Variants in EFNA5 observed in about 807,000 individuals in gnomAD.
EFNA5 encodes ephrin-A5.
EFNA5 carries 5 observed loss-of-function variants against 22.9 expected under a neutral mutation model. The ratio of observed to expected loss-of-function variants is 0.22; its 90% CI spans 0.11 to 0.46. The LOEUF (loss-of-function observed/expected upper bound fraction) is 0.46. EFNA5 is among the 20% of genes least tolerant of loss of function. The pLI is 0.99. For synonymous variants in EFNA5, 113 were observed against 112.2 expected, an observed-to-expected ratio of 1.01 and a Z score of -0.04; for missense variants, 237 against 293.3, an observed-to-expected ratio of 0.81 and a Z score of 1.40.
At chr5:107,448,210 G>C (rs922922304) in intron 1 of EFNA5, among the ~76,000 whole-genome samples, 1 of 152,232 alleles carries the variant, frequency 6.6e-6, no homozygotes, top group Non-Finnish European at 1.5e-5. Flanking sequence ...GCTCGAAGTA[G>C]TAAGATCATT....
At chr5:107,484,127 T>A (rs1750554477) in intron 1 of EFNA5, among the ~76,000 whole-genome samples, 1 of 152,194 alleles carries the variant, frequency 6.6e-6, no homozygotes, top group Non-Finnish European at 1.5e-5. Context: ...AGATTCATGG[T>A]AACTCCTAAT....
chr5:107,464,169 G>C (rs186826231), intron 1 of EFNA5, among the ~76,000 whole-genome samples: 1 of 152,176 alleles, frequency 6.6e-6, no homozygotes, highest in Admixed American at 6.5e-5. Context: ...CTAACCTCTG[G>C]AGTCTGGGCT....
At chr5:107,448,133 G>A (rs76076024) in intron 1 of EFNA5, among the ~76,000 whole-genome samples, 5,303 of 152,282 alleles carry the variant, frequency 0.035, 109 homozygotes, top group Middle Eastern at 0.071. Context: ...TGCAGAACAT[G>A]ATTGGATTTG....
chr5:107,521,476 A>ATATATAT (rs1491248327), intron 1 of EFNA5, among the ~76,000 whole-genome samples: 1 of 58,346 alleles, frequency 1.7e-5, no homozygotes, highest in African/African-American at 6.9e-5. Flanking sequence ...ATATATATAT[A>ATATATAT]TTTTTTTTTT....
At chr5:107,513,208 C>A (rs1297055385) in intron 1 of EFNA5, among the ~76,000 whole-genome samples, 2 of 151,920 alleles carry the variant, frequency 1.3e-5, no homozygotes, top group Non-Finnish European at 2.9e-5. Context: ...AGATTTGGGG[C>A]TGGGAAAAGA....
At chr5:107,538,830 G>T (rs191200086) in intron 1 of EFNA5, among the ~76,000 whole-genome samples, 13 of 152,226 alleles carry the variant, frequency 8.5e-5, no homozygotes, top group African/African-American at 3.1e-4. Context: ...TGGGTCCTGG[G>T]TGTAGGGGTT....
intron 1 of EFNA5, among the ~76,000 whole-genome samples, chr5:107,460,216 T>C (rs371820813): frequency 7.2e-4 from 110 of 152,276 alleles, no homozygotes; most frequent in African/African-American, 2.4e-3. Flanking sequence ...AGTATCTCCT[T>C]TTTGATTTTG....
At chr5:107,535,869 G>A (rs907763725) in intron 1 of EFNA5, among the ~76,000 whole-genome samples, 3 of 152,094 alleles carry the variant, frequency 2.0e-5, no homozygotes, top group Non-Finnish European at 4.4e-5. Context: ...ATACTAACAT[G>A]GTTTGTTTTA....
At chr5:107,437,378 C>T (rs1308250426) in intron 1 of EFNA5, among the ~76,000 whole-genome samples, 1 of 152,072 alleles carries the variant, frequency 6.6e-6, no homozygotes. Context: ...CCAGTTAGGA[C>T]CTTGTGAGCA....
chr5:107,407,603 C>T (rs565006499), intron 2 of EFNA5, among the ~76,000 whole-genome samples: 2 of 152,100 alleles, frequency 1.3e-5, no homozygotes, highest in African/African-American at 4.8e-5. Flanking sequence ...AGAAATTGTC[C>T]CCAAAGCTCC....
chr5:107,383,999 C>T (rs1263340986), intron 4 of EFNA5, among the ~76,000 whole-genome samples: 1 of 152,204 alleles, frequency 6.6e-6, no homozygotes, highest in Non-Finnish European at 1.5e-5. Context: ...TCTCTTCTTC[C>T]TGCAACATGC....
chr5:107,494,974 T>C (rs1436620434), intron 1 of EFNA5, among the ~76,000 whole-genome samples: 11 of 152,098 alleles, frequency 7.2e-5, no homozygotes, highest in Admixed American at 7.2e-4. Context: ...AAAACCTTTG[T>C]GTCTAGCTCA....
intron 1 of EFNA5, among the ~76,000 whole-genome samples, chr5:107,643,216 C>T (rs141579863): frequency 1.3e-5 from 2 of 152,220 alleles, no homozygotes; most frequent in South Asian, 4.1e-4. Flanking sequence ...CATGCTAGTG[C>T]CCCCATTGTG....
intron 1 of EFNA5, among the ~76,000 whole-genome samples, chr5:107,479,507 A>T (rs923611869): frequency 5.9e-5 from 9 of 151,964 alleles, no homozygotes; most frequent in African/African-American, 2.2e-4. Context: ...TCAGGCCAAC[A>T]AGTGATTTAC....
intron 1 of EFNA5, among the ~76,000 whole-genome samples, chr5:107,631,184 A>C (rs1030685951): frequency 6.6e-5 from 10 of 151,662 alleles, no homozygotes; most frequent in Non-Finnish European, 1.5e-4. Flanking sequence ...CTCCATTATA[A>C]TCTTATGGGG....
At chr5:107,480,390 C>T (rs946086642) in intron 1 of EFNA5, among the ~76,000 whole-genome samples, 28 of 152,194 alleles carry the variant, frequency 1.8e-4, no homozygotes, top group Non-Finnish European at 3.5e-4. Context: ...ATCAAAGATG[C>T]TCTCTGCTTC....
rs186908085 is a variant in EFNA5 at position 107,494,690 on chromosome 5, T to G, written c.126-67181A>C. 4.6e-5 allele frequency among the ~76,000 whole-genome samples: 7 copies of G among 152,336 alleles called. No individual in the cohort carries two copies. The South Asian group carries it at 1.4e-3, about 32-fold the overall frequency. On this transcript the variant is annotated intron_variant, in intron 1 of 4. Coordinates refer to ENST00000333274, the MANE Select transcript of EFNA5 (RefSeq NM_001962.3). ...CTGGTGGGGACGTGGAGAACCTTTA[T>G]GTCTCTAGCTCAGGGACTGTAAATA... is the stretch of plus-strand genomic sequence containing the variant.
chr5:107,399,310 G>GAAACGGA (rs368515815), intron 2 of EFNA5, among the ~76,000 whole-genome samples: 1 of 131,492 alleles, frequency 7.6e-6, no homozygotes, highest in East Asian at 2.1e-4. Flanking sequence ...AGGAAGGAAG[G>GAAACGGA]AAGGAAACGG....
intron 1 of EFNA5, among the ~76,000 whole-genome samples, chr5:107,453,049 T>TTTGA (rs1749601668): frequency 6.6e-6 from 1 of 152,198 alleles, no homozygotes; most frequent in South Asian, 2.1e-4. Flanking sequence ...TAAATCTCTA[T>TTTGA]TTGATCTTCT....
Sources: allele counts gnomAD v4.1 joint callset (sites outside exome capture counted in the v4.1 genomes callset), GRCh38; gene constraint gnomAD v4.1.1; transcripts MANE v1.5; gene names NCBI Gene and HGNC (gene_info 2026-07-23, HGNC 2026-07-21).